MYO10: variants seen among roughly 807,000 people sequenced by gnomAD.
MYO10 encodes unconventional myosin-X.
Under a neutral mutation model 257.3 loss-of-function variants are expected in MYO10, and 133 were observed. The observed-to-expected ratio is 0.52, with a 90% CI of 0.45 to 0.60. The LOEUF (loss-of-function observed/expected upper bound fraction) is 0.60, where lower values mean the gene tolerates loss of function less well. Ranked by LOEUF, MYO10 falls within the 20% of genes least tolerant of loss-of-function variation. MYO10 has a pLI of 0.00. For missense variants in MYO10, 2,399 were observed against 2,635.7 expected, an observed-to-expected ratio of 0.91 and a Z score of 1.97; for synonymous variants, 1,104 against 1,028.6, an observed-to-expected ratio of 1.07 and a Z score of -1.40.
chr5:16,889,889 T>A (rs764695571), intron 1 of MYO10, among the ~76,000 whole-genome samples: 1 of 151,758 alleles, frequency 6.6e-6, no homozygotes, highest in South Asian at 2.1e-4. Flanking sequence ...ATAAGAATCA[T>A]TTTTGTGGGG....
At chr5:16,835,217 A>C (rs778482881) in intron 2 of MYO10, among the ~76,000 whole-genome samples, 1 of 152,090 alleles carries the variant, frequency 6.6e-6, no homozygotes, top group Non-Finnish European at 1.5e-5. Context: ...ATAACACACA[A>C]GGTATTTATT....
intron 1 of MYO10, among the ~76,000 whole-genome samples, chr5:16,898,169 C>T (rs1745266382): frequency 2.0e-5 from 3 of 151,928 alleles, no homozygotes; most frequent in Non-Finnish European, 4.4e-5. Flanking sequence ...TTTCGGGAGC[C>T]CCCAGGTCAG....
At chr5:16,750,033 G>T (rs117031131) in intron 19 of MYO10, among the ~76,000 whole-genome samples, 4,103 of 152,216 alleles carry the variant, frequency 0.027, 187 homozygotes, top group East Asian at 0.11. Flanking sequence ...GGGTACCACC[G>T]CCACCGCCCA....
chr5:16,685,287 T>TGTA (rs1737197903), intron 29 of MYO10, among the ~76,000 whole-genome samples: 1 of 152,166 alleles, frequency 6.6e-6, no homozygotes, highest in Non-Finnish European at 1.5e-5. Flanking sequence ...CATAGCTCAC[T>TGTA]GTAGCCTCGA....
chr5:16,703,880 CAAAAAAAAAAAAAAAAAA>C (rs55980169), intron 22 of MYO10, among the ~76,000 whole-genome samples: 1 of 76,946 alleles, frequency 1.3e-5, no homozygotes, highest in African/African-American at 4.6e-5. Context: ...GACTCTGTCT[CAAAAAAAAAAAAAAAAAA>C]AAAAAAAAGA....
chr5:16,729,627 G>A (rs1739504681), intron 19 of MYO10, among the ~76,000 whole-genome samples: 1 of 151,974 alleles, frequency 6.6e-6, no homozygotes, highest in Non-Finnish European at 1.5e-5. Flanking sequence ...TGTATTTTTA[G>A]TAGAGATGGG....
At chr5:16,704,713 A>G (rs1035812096) in intron 21 of MYO10, 28 bp from the exon 22 acceptor site, 38 of 1,572,064 alleles carry the variant, frequency 2.4e-5, no homozygotes, top group Non-Finnish European at 3.3e-5. Context: ...ACATGTCAGA[A>G]GCAAAGAACA....
chr5:16,685,767 C>A lies in MYO10; in HGVS notation c.3961G>T (p.Asp1321Tyr). ...GCATTCTGTGGGTTTGCCTGCTCATCATGCATCTCCTGGATCTCCTGGTCC... is the reference window on the plus strand; with the variant it reads ...GCATTCTGTGGGTTTGCCTGCTCATAATGCATCTCCTGGATCTCCTGGTCC... ...STDQEIQEMH[D>Y]EQANPQNAVG... The change falls in exon 29 of 41, where the codon GAT becomes TAT. Residue 1321 changes from aspartate to tyrosine, a missense_variant. By Grantham distance (160) the Asp-to-Tyr change is radical. Around this residue, in one of 3 missense-constraint regions of MYO10, gnomAD observed 1,820 missense variants for 1,939.4 expected, o/e 0.94. Transcript: ENST00000513610. 6.7e-7 allele frequency: 1 copy of A among 1,498,144 alleles called. No individual in the cohort carries two copies. The highest frequency in any genetic ancestry group is 1.8e-4 in the Middle Eastern group (1 of 5,488). The allele number at this position is 1,498,144 out of a possible 1,614,324, so 92.8% of individuals were successfully genotyped here.
In MYO10 at chr5:16,663,923, C is replaced by T. The variant is rs1407505171; in HGVS notation, c.*2769G>A. On this transcript the variant is annotated 3_prime_UTR_variant, in exon 41 of 41. Transcript: ENST00000513610. ...GGGAGGGGGTCCTGGAACCAATCTC[C>T]CTTGGATACCAAGGGACGACTGCAC... is the stretch of plus-strand genomic sequence containing the variant. 6.6e-6 allele frequency: 1 copy of T among 152,000 alleles called. No individual in the cohort carries two copies. The highest frequency in any genetic ancestry group is 1.5e-5 in the Non-Finnish European group (1 of 68,052). The allele number at this position is 152,000 out of a possible 1,614,324, so 9.4% of individuals were successfully genotyped here. A position where few individuals can be genotyped will look rare whatever the true frequency, so the allele number is the denominator to read the frequency against.
intron 36 of MYO10, 84 bp downstream of exon 36, chr5:16,673,598 C>T (rs945876239): frequency 1.3e-5 from 19 of 1,453,798 alleles, no homozygotes; most frequent in Non-Finnish European, 1.8e-5. Flanking sequence ...AGGACAGCCA[C>T]TCTAATGCTG....
In MYO10 at chr5:16,764,534, C is replaced by T. The variant is rs548031348; in HGVS notation, c.1180-138G>A. 4 of 839,606 alleles carry T rather than the reference C, an allele frequency of 4.8e-6. No individual in the cohort carries two copies. The African/African-American group carries it at 6.9e-5, about 14-fold the overall frequency. 52.0% of individuals were successfully genotyped at this position (839,606 alleles called of 1,614,324 possible). A position where few individuals can be genotyped will look rare whatever the true frequency, so the allele number is the denominator to read the frequency against. On this transcript the variant is annotated intron_variant, in intron 11 of 40. Transcript: ENST00000513610. ...CCAGTGTGAAGTCAATCGATCTCAT[C>T]TAGGAAAGGACAGATATCTAAAGAA...
At chr5:16,713,419 T>G in intron 19 of MYO10, 2 of 985,760 alleles carry the variant, frequency 2.0e-6, no homozygotes, top group East Asian at 1.1e-4. Context: ...ACTGACCTTT[T>G]CCCCACAGCT....
intron 18 of MYO10, 33 bp downstream of exon 18, chr5:16,758,085 A>T (rs941506103): frequency 6.9e-7 from 1 of 1,458,812 alleles, no homozygotes; most frequent in Admixed American, 1.7e-5. Flanking sequence ...TACAGTAACG[A>T]CGGATTCCTC....
chr5:16,810,386 C>T (rs951298198), intron 3 of MYO10, among the ~76,000 whole-genome samples: 1 of 152,184 alleles, frequency 6.6e-6, no homozygotes, highest in Non-Finnish European at 1.5e-5. Flanking sequence ...CTCAGCCCTC[C>T]CCTACTGAAT....
At chr5:16,885,360 T>G (rs1744867554) in intron 1 of MYO10, among the ~76,000 whole-genome samples, 1 of 152,024 alleles carries the variant, frequency 6.6e-6, no homozygotes, top group South Asian at 2.1e-4. Flanking sequence ...CAGATAAGAA[T>G]GGAGAGAAGA....
intron 33 of MYO10, among the ~76,000 whole-genome samples, chr5:16,678,460 A>G (rs1736837604): frequency 6.6e-6 from 1 of 152,160 alleles, no homozygotes; most frequent in Non-Finnish European, 1.5e-5. Flanking sequence ...GGTGCTTGTA[A>G]TCTCAGCTAC....
chr5:16,725,437 A>C (rs1004712028), intron 19 of MYO10, among the ~76,000 whole-genome samples: 9 of 152,210 alleles, frequency 5.9e-5, no homozygotes, highest in Admixed American at 2.6e-4. Context: ...TAAAAATAGC[A>C]ACTACCCAGC....
intron 27 of MYO10, 146 bp downstream of exon 27, chr5:16,694,225 C>T: frequency 8.1e-7 from 1 of 1,234,338 alleles, no homozygotes; most frequent in Non-Finnish European, 1.1e-6. Flanking sequence ...TTCCCAGTTT[C>T]CTAGTAATTT....
intron 31 of MYO10, 59 bp downstream of exon 31, chr5:16,681,812 A>C (rs1412621485): frequency 6.4e-7 from 1 of 1,557,464 alleles, no homozygotes; most frequent in African/African-American, 1.4e-5. Flanking sequence ...GCAGATGTCT[A>C]TATGCAAATG....
Sources: gnomAD v4.1 joint callset for allele counts (sites outside exome capture counted in the v4.1 genomes callset) on GRCh38, gnomAD v4.1.1 for gene constraint, gnomAD v4.1.1 regional missense constraint, MANE v1.5 for transcripts, NCBI Gene and HGNC (gene_info 2026-07-23, HGNC 2026-07-21) for gene names.